The following PTPRD variants were observed in gnomAD, a reference collection of about 807,000 sequenced individuals.
The protein encoded by PTPRD is protein tyrosine phosphatase receptor type D.
PTPRD carries 34 observed loss-of-function variants against 214.5 expected under a neutral mutation model. That is an observed-to-expected ratio of 0.16 (90% CI 0.12 to 0.21). The LOEUF (loss-of-function observed/expected upper bound fraction) is 0.21, where lower values mean the gene tolerates loss of function less well. PTPRD is among the 10% of genes least tolerant of loss of function. The pLI, the probability that PTPRD is intolerant of heterozygous loss-of-function variation, is 1.00. For synonymous variants in PTPRD, 1,128 were observed against 845.7 expected (o/e 1.33, Z -5.79); for missense variants, 2,545 against 2,398.7 (o/e 1.06, Z -1.27).
At chr9:9,654,428 ATG>A (rs776488100) in intron 7 of PTPRD, among the ~76,000 whole-genome samples, 3 of 151,700 alleles carry the variant, frequency 2.0e-5, no homozygotes, top group Non-Finnish European at 4.4e-5. Context: ...ATACATATAT[ATG>A]TGTGTGTGTG....
chr9:9,186,631 C>CCTCTCTCTCTCT (rs141616035), intron 9 of PTPRD, among the ~76,000 whole-genome samples: 1 of 140,964 alleles, frequency 7.1e-6, no homozygotes, highest in African/African-American at 2.7e-5. Flanking sequence ...TCTGTCTCTC[C>CCTCTCTCTCTCT]CTCTCTCTCT....
chr9:9,034,263 G>C (rs569426547), intron 10 of PTPRD, among the ~76,000 whole-genome samples: 1 of 152,234 alleles, frequency 6.6e-6, no homozygotes, highest in South Asian at 2.1e-4. Context: ...TCCATATACA[G>C]CGTATCTGTC....
In PTPRD at chr9:9,244,367, C is replaced by T. The variant is rs962029579; in HGVS notation, c.-202-61004G>A. Among the ~76,000 whole-genome samples, 7 of 152,206 alleles carry T rather than the reference C, an allele frequency of 4.6e-5. No homozygotes were observed. The South Asian group carries it at 8.3e-4, about 18-fold the overall frequency. Reference sequence around the variant, plus strand: ...CAAAAGAACAAAGCTGGAGGCATCACACTACCTGACTTCAAACTATGCTAC... The same window carrying T: ...CAAAAGAACAAAGCTGGAGGCATCATACTACCTGACTTCAAACTATGCTAC... On this transcript the variant is annotated intron_variant, in intron 9 of 45. Coordinates refer to ENST00000381196, the MANE Select transcript of PTPRD (RefSeq NM_002839.4).
At chr9:8,496,227 C>G (rs908672708) in intron 26 of PTPRD, among the ~76,000 whole-genome samples, 6 of 151,506 alleles carry the variant, frequency 4.0e-5, no homozygotes, top group African/African-American at 1.5e-4. Flanking sequence ...CACACACACA[C>G]ACACTTTTTC....
intron 5 of PTPRD, among the ~76,000 whole-genome samples, chr9:9,920,941 A>T (rs2082377663): frequency 6.6e-6 from 1 of 152,146 alleles, no homozygotes; most frequent in Non-Finnish European, 1.5e-5. Context: ...AGTTTAACTG[A>T]TACTAAAATC....
At chr9:9,148,354 T>C (rs1005245720) in intron 10 of PTPRD, among the ~76,000 whole-genome samples, 1 of 152,192 alleles carries the variant, frequency 6.6e-6, no homozygotes, top group Non-Finnish European at 1.5e-5. Context: ...GAAGAAAATA[T>C]AGTATGTTTC....
At chr9:9,424,248 T>C (rs1374290197) in intron 8 of PTPRD, among the ~76,000 whole-genome samples, 1 of 152,206 alleles carries the variant, frequency 6.6e-6, no homozygotes, top group African/African-American at 2.4e-5. Context: ...CTTTACTCCT[T>C]ATATAAATGC....
chr9:9,348,382 G>T (rs759296571), intron 9 of PTPRD, among the ~76,000 whole-genome samples: 1 of 152,004 alleles, frequency 6.6e-6, no homozygotes, highest in South Asian at 2.1e-4. Context: ...AAATGCCTAC[G>T]CATTTATCTT....
chr9:8,539,641 A>G lies in PTPRD; in HGVS notation c.353-10862T>C, dbSNP rs569298799. ...TTCAAATTCTTGTGCTGAGAAAAAT[A>G]TAACATCACTTCCACAATATTCCTG... On this transcript the variant is annotated intron_variant, in intron 14 of 45. Coordinates refer to ENST00000381196, the MANE Select transcript of PTPRD (RefSeq NM_002839.4). 2.6e-5 allele frequency among the ~76,000 whole-genome samples: 4 copies of G among 152,198 alleles called. No homozygotes were observed. In the South Asian group the frequency reaches 8.3e-4, roughly 31 times the overall value.
At chr9:9,669,110 C>A (rs1003941572) in intron 7 of PTPRD, among the ~76,000 whole-genome samples, 1 of 151,926 alleles carries the variant, frequency 6.6e-6, no homozygotes, top group Non-Finnish European at 1.5e-5. Flanking sequence ...TATCATTATA[C>A]TTTAAGTTTT....
intron 10 of PTPRD, among the ~76,000 whole-genome samples, chr9:9,058,663 A>G (rs1590763042): frequency 1.3e-5 from 2 of 150,578 alleles, no homozygotes; most frequent in African/African-American, 2.4e-5. Context: ...GTTAGCCAGG[A>G]TGGTCTCGAT....
At chr9:10,195,098 A>ATTTTTTTTTTTTTTTT (rs34900305) in intron 3 of PTPRD, among the ~76,000 whole-genome samples, 1 of 97,908 alleles carries the variant, frequency 1.0e-5, no homozygotes, top group Non-Finnish European at 1.9e-5. Flanking sequence ...ATACCCGGCT[A>ATTTTTTTTTTTTTTTT]TTTTTTTTTT....
intron 7 of PTPRD, among the ~76,000 whole-genome samples, chr9:9,591,287 C>A (rs904818579): frequency 1.3e-5 from 2 of 151,862 alleles, no homozygotes; most frequent in South Asian, 4.2e-4. Flanking sequence ...CAGGCAGCCT[C>A]GGGGACCAAA....
intron 14 of PTPRD, among the ~76,000 whole-genome samples, chr9:8,581,952 A>AAAAAAAAG (rs2093186147): frequency 6.6e-6 from 1 of 150,726 alleles, no homozygotes; most frequent in East Asian, 1.9e-4. Flanking sequence ...AGAGGGAAAA[A>AAAAAAAAG]AAGGAGGACA....
chr9:8,970,666 T>C (rs1014624780), intron 11 of PTPRD, among the ~76,000 whole-genome samples: 2 of 151,766 alleles, frequency 1.3e-5, no homozygotes, highest in Non-Finnish European at 2.9e-5. Context: ...GCACATAAAA[T>C]TGACATTACA....
chr9:9,498,475 T>C (rs2096280034), intron 8 of PTPRD, among the ~76,000 whole-genome samples: 1 of 152,122 alleles, frequency 6.6e-6, no homozygotes, highest in African/African-American at 2.4e-5. Flanking sequence ...TCAGGGAACT[T>C]TCTCCAGAGC....
intron 9 of PTPRD, among the ~76,000 whole-genome samples, chr9:9,302,601 C>CTTTTTTTTTTTTTTTTT (rs3047853): frequency 4.5e-5 from 5 of 111,886 alleles, no homozygotes; most frequent in Non-Finnish European, 5.2e-5. Context: ...TTTTTTTTTT[C>CTTTTTTTTTTTTTTTTT]TTTTTTTTTT....
At chr9:10,497,127 A>G (rs1555482) in intron 2 of PTPRD, among the ~76,000 whole-genome samples, 41,816 of 151,652 alleles carry the variant, frequency 0.28, 6,507 homozygotes, top group Non-Finnish European at 0.35. Flanking sequence ...CTTGGGAACA[A>G]CAGATGCTGC....
intron 11 of PTPRD, among the ~76,000 whole-genome samples, chr9:8,943,126 C>G (rs2099043541): frequency 6.6e-6 from 1 of 151,910 alleles, no homozygotes; most frequent in African/African-American, 2.4e-5. Context: ...ATGCAAGAAA[C>G]TGAAGAGGAC....
Sources: allele counts gnomAD v4.1 joint callset (sites outside exome capture counted in the v4.1 genomes callset), GRCh38; gene constraint gnomAD v4.1.1; transcripts MANE v1.5; gene names NCBI Gene and HGNC (gene_info 2026-07-23, HGNC 2026-07-21).